The following QSOX2 variants were observed in gnomAD, a reference collection of about 807,000 sequenced individuals.
QSOX2 encodes the protein quiescin sulfhydryl oxidase 2, also known as sulfhydryl oxidase 2.
A neutral mutation model predicts 61.7 loss-of-function variants in QSOX2; 46 were observed. The observed-to-expected ratio is 0.75, with a 90% confidence interval of 0.59 to 0.95. QSOX2 has a LOEUF of 0.95. QSOX2 is among the 40% of genes least tolerant of loss of function. The pLI, the probability that QSOX2 is intolerant of heterozygous loss-of-function variation, is 0.00. For missense variants in QSOX2, 879 were observed against 918.9 expected (o/e 0.96, Z 0.56); for synonymous variants, 383 against 388.4 (o/e 0.99, Z 0.16).
At position 136,208,875 on chromosome 9, in the gene QSOX2, G is replaced by A; in HGVS notation, c.1950C>T (p.Pro650=). Reference sequence around the variant, plus strand: ...GGCTGGAGAAGTCAACCCCGAGGAAGGGTGCGGCCCCGCCCACCTCCTTGT... The same window carrying A: ...GGCTGGAGAAGTCAACCCCGAGGAAAGGTGCGGCCCCGCCCACCTCCTTGT... ...GAHKEVGGAA[P]FLGVDFSSLD... is the part of the protein sequence containing the mutation. Residue 650 remains proline (P), a synonymous_variant, in exon 12 of 12, where the codon CCC becomes CCT. Coordinates refer to ENST00000358701, the MANE Select transcript of QSOX2 (RefSeq NM_181701.4). The A allele has an allele frequency of 6.2e-7, 1 of 1,614,052 alleles. No homozygotes were observed. Among genetic ancestry groups the A allele is most frequent in the Non-Finnish European group, 8.5e-7 (1 of 1,180,034 alleles).
At chr9:136,233,969 G>A (rs1179740173) in intron 1 of QSOX2, among the ~76,000 whole-genome samples, 1 of 152,238 alleles carries the variant, frequency 6.6e-6, no homozygotes, top group Admixed American at 6.5e-5. Context: ...CCTCCATGAA[G>A]TGACACGGAA....
chr9:136,209,519 G>T lies in QSOX2; in HGVS notation c.1550-244C>A, dbSNP rs7028025. On this transcript the variant is annotated intron_variant, in intron 11 of 11. Coordinates refer to ENST00000358701, the MANE Select transcript of QSOX2 (RefSeq NM_181701.4). The surrounding 1 kb of genome is among the most constrained non-coding windows in gnomAD (Gnocchi z 5.6). ...CTCTGCCGGTTCCCATAGCCTGCAA[G>T]TGAGGAGACGCTACACGCTCGGCCT... 778 of 985,368 alleles carry T rather than the reference G, an allele frequency of 7.9e-4. 5 individuals are homozygous for T. In the African/African-American group the frequency reaches 0.012, roughly 16 times the overall value. The allele number at this position is 985,368 out of a possible 1,614,324, so 61.0% of individuals were successfully genotyped here.
intron 10 of QSOX2, 85 bp from the exon 11 acceptor site, chr9:136,211,537 C>A (rs1831846336): frequency 1.4e-6 from 2 of 1,405,714 alleles, no homozygotes; most frequent in Admixed American, 1.9e-5. Flanking sequence ...TGGGGGGAAA[C>A]CGCTCCTGAC....
chr9:136,239,647 G>A (rs1230494253), intron 1 of QSOX2, among the ~76,000 whole-genome samples: 2 of 152,266 alleles, frequency 1.3e-5, no homozygotes, highest in African/African-American at 4.8e-5. Context: ...GTCCGCAGGG[G>A]CAGCACCTCG....
At chr9:136,219,825 C>A (rs1831960051) in intron 6 of QSOX2, among the ~76,000 whole-genome samples, 1 of 152,228 alleles carries the variant, frequency 6.6e-6, no homozygotes, top group African/African-American at 2.4e-5. Flanking sequence ...TTATTTGACA[C>A]TAAGAAGTTG....
Position 136,224,025 on chromosome 9 carries a change from G to C in QSOX2, c.566C>G (p.Pro189Arg), listed in dbSNP as rs751749579. 1.9e-6 allele frequency: 3 copies of C among 1,613,880 alleles called. No homozygotes were observed. Among genetic ancestry groups the C allele is most frequent in the Non-Finnish European group, 2.5e-6 (3 of 1,179,884 alleles). The change falls in exon 4 of 12, where the codon CCG (proline) becomes CGG (arginine). Residue 189 changes from proline (P) to arginine (R), a missense_variant. Transcript: ENST00000358701. ...TACTCACTGAATGGGGTCTAGGCGCGGGCAGGCAGGGGGCCGGCTTCCTTC... is the reference window on the plus strand; with the variant it reads ...TACTCACTGAATGGGGTCTAGGCGCCGGCAGGCAGGGGGCCGGCTTCCTTC... The part of the protein sequence containing the change: ...HTEGSRPPAC[P>R]RLDPIQPSDV...
At chr9:136,232,429 T>G (rs1057062589) in intron 1 of QSOX2, among the ~76,000 whole-genome samples, 1 of 152,182 alleles carries the variant, frequency 6.6e-6, no homozygotes, top group African/African-American at 2.4e-5. Context: ...AACTTGCAGA[T>G]GAGCCACACG....
At chr9:136,233,185 C>T (rs917054491) in intron 1 of QSOX2, among the ~76,000 whole-genome samples, 2 of 152,190 alleles carry the variant, frequency 1.3e-5, no homozygotes, top group African/African-American at 4.8e-5. Context: ...GAAAGACAAA[C>T]AGCAGCTGCC....
In QSOX2 at chr9:136,223,410, C is replaced by T. The variant is rs989087639; in HGVS notation, c.675+353G>A. Among the ~76,000 whole-genome samples the T allele has an allele frequency of 2.0e-5, 3 of 151,902 alleles. No individual in the cohort carries two copies. Among genetic ancestry groups the T allele is most frequent in the Admixed American group, 6.6e-5 (1 of 15,264 alleles). On this transcript the variant is annotated intron_variant, in intron 5 of 11. Coordinates refer to ENST00000358701, the MANE Select transcript of QSOX2 (RefSeq NM_181701.4). This position sits in a 1 kb window ranked among gnomAD's most constrained non-coding sequence, Gnocchi z 4.4. ...ATGTTGAGAGTTCAGAATACGGCAA[C>T]GAAAAAAATCTTAGTAATAATGCAT...
At position 136,215,388 on chromosome 9, in the gene QSOX2, T is replaced by TG. The variant is rs920393651; in HGVS notation, c.1210-85dup. 3.8e-4 allele frequency: 260 copies of TG among 684,838 alleles called. 2 individuals are homozygous for TG. The Middle Eastern group carries it at 5.4e-3, about 14-fold the overall frequency. 42.4% of individuals were successfully genotyped at this position (684,838 alleles called of 1,614,324 possible). A position where few individuals can be genotyped will look rare whatever the true frequency, so the allele number is the denominator to read the frequency against. On this transcript the variant is annotated intron_variant, in intron 9 of 11. Coordinates refer to ENST00000358701, the MANE Select transcript of QSOX2 (RefSeq NM_181701.4). ...AACAGTCGACAGCTGCCTTCTTGAC[T>TG]GGGGGGGGTGGATAATGGGGGTGTG... is the stretch of plus-strand genomic sequence containing the variant.
Position 136,223,919 on chromosome 9 carries a change from G to A in QSOX2, c.585-66C>T. 6.3e-7 allele frequency: 1 copy of A among 1,575,236 alleles called. No homozygotes were observed. The highest frequency in any genetic ancestry group is 8.7e-7 in the Non-Finnish European group (1 of 1,145,548). On this transcript the variant is annotated intron_variant, in intron 4 of 11. Transcript: ENST00000358701. This position sits in a 1 kb window ranked among gnomAD's most constrained non-coding sequence, Gnocchi z 4.4. ...GCAGCGAGTTGGCCACCACATCCCA[G>A]TGGCCACATCACTTAATAGAAACCT... is the stretch of plus-strand genomic sequence containing the variant.
At position 136,209,035 on chromosome 9, in the gene QSOX2, G is replaced by C. The variant is rs150236336; in HGVS notation, c.1790C>G (p.Pro597Arg). The change falls in exon 12 of 12, where the codon CCA (proline) becomes CGA (arginine). Residue 597 changes from proline (P) to arginine (R), a missense_variant. Physicochemically the swap from Pro to Arg is moderately radical, Grantham distance 103. Coordinates refer to ENST00000358701, the MANE Select transcript of QSOX2 (RefSeq NM_181701.4). This position sits in a 1 kb window ranked among gnomAD's most constrained non-coding sequence, Gnocchi z 5.6. ...GEEEEKRLTP[P>R]EVSHGDRDTQ... The stretch of plus-strand genomic sequence containing the variant: ...GTCTCGGTCTCCATGGGACACCTCT[G>C]GGGGAGTGAGTCTTTTCTCCTCTTC... The C allele has an allele frequency of 8.4e-5, 135 of 1,614,082 alleles. No homozygotes were observed. The highest frequency in any genetic ancestry group is 2.3e-4 in the African/African-American group (17 of 75,048).
intron 2 of QSOX2, among the ~76,000 whole-genome samples, chr9:136,225,672 C>T (rs1053448479): frequency 6.6e-6 from 1 of 152,262 alleles, no homozygotes; most frequent in Non-Finnish European, 1.5e-5. Flanking sequence ...CTCAGCTCTC[C>T]CCTTGCCCGG....
chr9:136,210,649 C>T (rs924328665), intron 11 of QSOX2: 90 of 985,446 alleles, frequency 9.1e-5, no homozygotes, highest in African/African-American at 8.7e-5. Context: ...TTTAGTGCTT[C>T]AGCTGTAATA....
At chr9:136,210,866 G>A (rs867238027) in intron 11 of QSOX2, 2 of 985,040 alleles carry the variant, frequency 2.0e-6, no homozygotes, top group Middle Eastern at 5.2e-4. Context: ...ACTTTGAGAG[G>A]TTTGGTTTAC....
intron 1 of QSOX2, among the ~76,000 whole-genome samples, chr9:136,244,991 G>A (rs1830459150): frequency 6.6e-6 from 1 of 152,190 alleles, no homozygotes; most frequent in Non-Finnish European, 1.5e-5. Context: ...AAAGGGAATG[G>A]GGTGGCTACG....
chr9:136,209,330 G>T lies in QSOX2; in HGVS notation c.1550-55C>A, dbSNP rs1015971728. 7.4e-5 allele frequency: 116 copies of T among 1,569,264 alleles called. No individual in the cohort carries two copies. Among genetic ancestry groups the T allele is most frequent in the Non-Finnish European group, 1.0e-4 (115 of 1,155,526 alleles). On this transcript the variant is annotated intron_variant, in intron 11 of 11. Coordinates refer to ENST00000358701, the MANE Select transcript of QSOX2 (RefSeq NM_181701.4). This position sits in a 1 kb window ranked among gnomAD's most constrained non-coding sequence, Gnocchi z 5.6. ...AGGGAAGGAGGCTTTGTGCAGCCAC[G>T]TGCAGCGTGCGGCAACCGGACTCCC...
chr9:136,211,584 C>CA (rs1354318374), intron 10 of QSOX2, 132 bp from the exon 11 acceptor site: 1 of 838,316 alleles, frequency 1.2e-6, no homozygotes, highest in East Asian at 2.7e-5. Context: ...CCAGGGGCCT[C>CA]AGGCTGTGGG....
At chr9:136,233,322 C>T (rs1830349524) in intron 1 of QSOX2, among the ~76,000 whole-genome samples, 1 of 152,188 alleles carries the variant, frequency 6.6e-6, no homozygotes, top group African/African-American at 2.4e-5. Flanking sequence ...TGCTGAATGC[C>T]CCTGGCCACG....
Sources: gnomAD v4.1 joint callset for allele counts (sites outside exome capture counted in the v4.1 genomes callset) on GRCh38, gnomAD v4.1.1 for gene constraint, Gnocchi (gnomAD v3.1) non-coding constraint, MANE v1.5 for transcripts, NCBI Gene and HGNC (gene_info 2026-07-23, HGNC 2026-07-21) for gene names.